ATPAF1: variants seen among roughly 807,000 people sequenced by gnomAD.
ATPAF1 encodes the protein ATP synthase mitochondrial F1 complex assembly factor 1, also known as homolog of yeast ATP11.
In ATPAF1, 26 loss-of-function variants were observed where a neutral mutation model predicts 43.9. The ratio of observed to expected loss-of-function variants is 0.59; its 90% CI spans 0.43 to 0.82. The LOEUF (loss-of-function observed/expected upper bound fraction) is 0.82. Ranked by LOEUF, ATPAF1 falls within the 40% of genes least tolerant of loss-of-function variation. The pLI is 0.00. For synonymous variants in ATPAF1, 157 were observed against 168.0 expected (o/e 0.93, Z 0.50); for missense variants, 366 against 435.0 (o/e 0.84, Z 1.41).
intron 4 of ATPAF1, among the ~76,000 whole-genome samples, chr1:46,654,522 T>TATTA (rs1676227172): frequency 1.0e-5 from 1 of 98,738 alleles, no homozygotes; most frequent in Non-Finnish European, 1.8e-5. Flanking sequence ...GCAATTTATT[T>TATTA]ATTTATTTAT....
intron 2 of ATPAF1, among the ~76,000 whole-genome samples, chr1:46,661,263 G>C (rs1012660012): frequency 1.3e-5 from 2 of 152,146 alleles, no homozygotes; most frequent in Non-Finnish European, 2.9e-5. Context: ...TTTTAGTAGA[G>C]ACGGGGTTTC....
intron 2 of ATPAF1, among the ~76,000 whole-genome samples, chr1:46,662,384 T>C (rs983069567): frequency 3.3e-5 from 5 of 152,236 alleles, no homozygotes; most frequent in Admixed American, 6.5e-5. Context: ...TCACATAAAG[T>C]TGTAAACTCT....
chr1:46,647,108 C>T (rs1676057805), intron 6 of ATPAF1, among the ~76,000 whole-genome samples: 1 of 152,196 alleles, frequency 6.6e-6, no homozygotes, highest in African/African-American at 2.4e-5. Flanking sequence ...TGATGTATTA[C>T]TCTTTATGTA....
chr1:46,648,439 C>T (rs975485626), intron 6 of ATPAF1, among the ~76,000 whole-genome samples: 5 of 152,056 alleles, frequency 3.3e-5, no homozygotes, highest in Admixed American at 1.3e-4. Context: ...GACAGGGTCT[C>T]GCTCTGTTGT....
Position 46,653,800 on chromosome 1 carries a change from C to T in ATPAF1, c.540+17G>A, listed in dbSNP as rs773974690. The T allele has an allele frequency of 1.9e-6, 3 of 1,601,742 alleles. No homozygotes were observed. The highest frequency in any genetic ancestry group is 2.6e-6 in the Non-Finnish European group (3 of 1,174,098). On this transcript the variant is annotated intron_variant, in intron 5 of 8. Coordinates refer to ENST00000574428, the Ensembl canonical transcript of ATPAF1. The surrounding 1 kb of genome is among the most constrained non-coding windows in gnomAD (Gnocchi z 4.8). The stretch of plus-strand genomic sequence containing the variant: ...TTCATGTTGTAACACTTTCACTTTG[C>T]CCTCCAAACTACTTACAGGAATAAC...
chr1:46,663,542 A>C (rs1253628607), intron 2 of ATPAF1, among the ~76,000 whole-genome samples: 1 of 152,076 alleles, frequency 6.6e-6, no homozygotes, highest in Non-Finnish European at 1.5e-5. Context: ...AGTGATGATG[A>C]GCATTTTTTC....
At chr1:46,662,914 T>C (rs1676418822) in intron 2 of ATPAF1, among the ~76,000 whole-genome samples, 1 of 152,168 alleles carries the variant, frequency 6.6e-6, no homozygotes, top group Admixed American at 6.5e-5. Flanking sequence ...GTATATCTCC[T>C]AATGCTATCC....
downstream of ATPAF1, chr1:46,633,416 TG>T (rs1405200194): frequency 1.2e-5 from 2 of 167,580 alleles, no homozygotes; most frequent in African/African-American, 5.8e-5. Context: ...CTATTTTAGA[TG>T]GAAAAAAAAC....
At chr1:46,646,753 G>C (rs1279993303) in intron 6 of ATPAF1, among the ~76,000 whole-genome samples, 2 of 152,156 alleles carry the variant, frequency 1.3e-5, no homozygotes, top group Non-Finnish European at 2.9e-5. Flanking sequence ...AATTTGATGA[G>C]TGTGACATAT....
At chr1:46,643,691 C>T (rs540777495) in intron 7 of ATPAF1, among the ~76,000 whole-genome samples, 5 of 152,302 alleles carry the variant, frequency 3.3e-5, no homozygotes, top group Admixed American at 6.5e-5. Flanking sequence ...AAATCTACTC[C>T]CCTTGGCTGG....
chr1:46,645,441 A>G (rs558820436), intron 6 of ATPAF1, among the ~76,000 whole-genome samples, 185 bp from the exon 7 acceptor site: 35 of 152,102 alleles, frequency 2.3e-4, no homozygotes, highest in African/African-American at 8.4e-4. Context: ...AGCTCACCGC[A>G]GTCTTGATCT....
intron 4 of ATPAF1, among the ~76,000 whole-genome samples, 177 bp downstream of exon 4, chr1:46,657,950 A>C (rs1676305647): frequency 1.3e-5 from 2 of 152,232 alleles, no homozygotes; most frequent in African/African-American, 2.4e-5. Flanking sequence ...TAGACATATA[A>C]GAGTGACAAA....
At chr1:46,657,997 A>G (rs1676306248) in intron 4 of ATPAF1, 130 bp downstream of exon 4, 1 of 853,162 alleles carries the variant, frequency 1.2e-6, no homozygotes, top group East Asian at 2.6e-5. Flanking sequence ...TCTTCAAGTA[A>G]TTCATCACTT....
At position 46,653,918 on chromosome 1, in the gene ATPAF1, A is replaced by G; in HGVS notation, c.490-51T>C. The G allele has an allele frequency of 6.5e-7, 1 of 1,550,226 alleles. No homozygotes were observed. ...GTGACATGTGGGTAATCTTTTCAACATGTGCCAAGAAATGGTGACAGTTTT... is the reference window on the plus strand; with the variant it reads ...GTGACATGTGGGTAATCTTTTCAACGTGTGCCAAGAAATGGTGACAGTTTT... On this transcript the variant is annotated intron_variant, in intron 4 of 8. Transcript: ENST00000574428. This position sits in a 1 kb window ranked among gnomAD's most constrained non-coding sequence, Gnocchi z 4.8.
chr1:46,668,350 A>G lies in ATPAF1; in HGVS notation c.-28T>C. Reference sequence around the variant, plus strand: ...CCGCCCCCGCCTCCTCCTCCTCCTCAGGCGCGTCGGCCTCGGCCCGCGGCC... The same window carrying G: ...CCGCCCCCGCCTCCTCCTCCTCCTCGGGCGCGTCGGCCTCGGCCCGCGGCC... On this transcript the variant is annotated 5_prime_UTR_variant, in exon 1 of 9. Coordinates refer to ENST00000574428, the Ensembl canonical transcript of ATPAF1. This position sits in a 1 kb window ranked among gnomAD's most constrained non-coding sequence, Gnocchi z 4.4. 1 of 1,323,294 alleles carries G rather than the reference A, an allele frequency of 7.6e-7. No individual in the cohort carries two copies. The highest frequency in any genetic ancestry group is 1.9e-5 in the South Asian group (1 of 53,696). The allele number at this position is 1,323,294 out of a possible 1,614,324, so 82.0% of individuals were successfully genotyped here. A position where few individuals can be genotyped will look rare whatever the true frequency, so the allele number is the denominator to read the frequency against.
At chr1:46,633,712 C>A (rs1675789971), downstream of ATPAF1, 1 of 456,186 alleles carries the variant, frequency 2.2e-6, no homozygotes, top group Non-Finnish European at 4.4e-6. Context: ...GGACTGAGGA[C>A]AAATCCAGGA....
At chr1:46,649,550 T>A (rs1222204168) in intron 6 of ATPAF1, among the ~76,000 whole-genome samples, 1 of 152,222 alleles carries the variant, frequency 6.6e-6, no homozygotes, top group Non-Finnish European at 1.5e-5. Context: ...AACCAGCTCA[T>A]CAATTTCTTA....
chr1:46,645,517 A>C (rs1676027851), intron 6 of ATPAF1, among the ~76,000 whole-genome samples: 1 of 149,248 alleles, frequency 6.7e-6, no homozygotes, highest in African/African-American at 2.5e-5. Flanking sequence ...TGCACCACTA[A>C]GCCTGGCTAC....
Position 46,635,976 on chromosome 1 carries a change from A to G in ATPAF1, c.793-6T>C. 1 of 1,613,888 alleles carries G rather than the reference A, an allele frequency of 6.2e-7. No individual in the cohort carries two copies. Among genetic ancestry groups the G allele is most frequent in the Non-Finnish European group, 8.5e-7 (1 of 1,179,920 alleles). Reference sequence around the variant, plus strand: ...CACTGTGCCTCAGCAACATTCTGTAAGGTAAAAAGAATAATGAGGTCCTTT... The same window carrying G: ...CACTGTGCCTCAGCAACATTCTGTAGGGTAAAAAGAATAATGAGGTCCTTT... On this transcript the variant is annotated splice_region_variant and splice_polypyrimidine_tract_variant and intron_variant, in intron 8 of 8. Transcript: ENST00000574428.
Sources: allele counts gnomAD v4.1 joint callset (sites outside exome capture counted in the v4.1 genomes callset), GRCh38; gene constraint gnomAD v4.1.1; non-coding constraint Gnocchi (gnomAD v3.1); transcripts MANE v1.5; gene names NCBI Gene and HGNC (gene_info 2026-07-23, HGNC 2026-07-21).